Variants in TMBIM1 observed in about 807,000 individuals in gnomAD.
The protein encoded by TMBIM1 is transmembrane BAX inhibitor motif containing 1, also known as protein lifeguard 3.
TMBIM1 carries 34 observed loss-of-function variants against 45.1 expected under a neutral mutation model. The observed-to-expected ratio is 0.75, with a 90% CI of 0.57 to 1.00. TMBIM1 has a LOEUF of 1.00. TMBIM1 is among the 50% of genes least tolerant of loss of function. TMBIM1 has a pLI of 0.00. For synonymous variants in TMBIM1, 157 were observed against 153.5 expected (o/e 1.02, Z -0.17); for missense variants, 374 against 402.4 (o/e 0.93, Z 0.60).
At chr2:218,280,149 T>A (rs754484658) in intron 2 of TMBIM1, 23 bp from the exon 3 acceptor site, 38 of 1,568,282 alleles carry the variant, frequency 2.4e-5, no homozygotes, top group Non-Finnish European at 3.3e-5. Flanking sequence ...GACACTTGAC[T>A]CAGCTGGGGA....
intron 1 of TMBIM1, among the ~76,000 whole-genome samples, chr2:218,283,886 G>A (rs966119487): frequency 6.6e-6 from 1 of 152,280 alleles, no homozygotes; most frequent in Admixed American, 6.5e-5. Context: ...TACAAAGCTG[G>A]CAGGGTGCGG....
chr2:218,277,709 A>G, intron 7 of TMBIM1, 39 bp from the exon 8 acceptor site: 1 of 1,613,528 alleles, frequency 6.2e-7, no homozygotes, highest in Non-Finnish European at 8.5e-7. Flanking sequence ...ACACTTAAAA[A>G]GGAAGGAAGG....
chr2:218,278,405 T>G (rs555778801), intron 6 of TMBIM1, 110 bp downstream of exon 6: 11 of 1,148,520 alleles, frequency 9.6e-6, no homozygotes, highest in African/African-American at 9.1e-5. Context: ...CCTCCTCATT[T>G]CTTGTAAGTT....
At chr2:218,277,304 G>A (rs2106191754) in intron 9 of TMBIM1, 62 bp downstream of exon 9, 1 of 1,483,002 alleles carries the variant, frequency 6.7e-7, no homozygotes, top group Non-Finnish European at 9.4e-7. Flanking sequence ...TAGTGTGCCG[G>A]GGTCCGGGCC....
Position 218,277,101 on chromosome 2 carries a change from T to G in TMBIM1, c.640-2A>C. 6.2e-7 allele frequency: 1 copy of G among 1,613,848 alleles called. No individual in the cohort carries two copies. The highest frequency in any genetic ancestry group is 1.1e-5 in the South Asian group (1 of 91,066). The stretch of plus-strand genomic sequence containing the variant: ...GCCTGTGCACGAGGTGAAGTCCACC[T>G]GCCAGGAAGCAAGAAAGAGGCACCT... On this transcript the variant is annotated splice_acceptor_variant, in intron 9 of 11. Coordinates refer to ENST00000258412, the MANE Select transcript of TMBIM1 (RefSeq NM_022152.6). LOFTEE classifies it high-confidence loss of function.
chr2:218,278,277 G>A (rs1242296686), intron 6 of TMBIM1: 3 of 608,478 alleles, frequency 4.9e-6, no homozygotes, highest in Non-Finnish European at 8.7e-6. Context: ...CTTCCTATTT[G>A]TTAACTGGCT....
rs541664508 is a variant in TMBIM1, at chr2:218,276,607, C to A, written c.735+397G>T. On this transcript the variant is annotated intron_variant, in intron 10 of 11. Coordinates refer to ENST00000258412, the MANE Select transcript of TMBIM1 (RefSeq NM_022152.6). ...CCCCTTCGGCACTGTTCTCCCCCAG[C>A]TGAACAGAATAAAGGAAATAATTGG... is the stretch of plus-strand genomic sequence containing the variant. Among the ~76,000 whole-genome samples the A allele has an allele frequency of 3.9e-5, 6 of 151,910 alleles. No homozygotes were observed. In the East Asian group the frequency reaches 1.2e-3, roughly 30 times the overall value.
Position 218,275,260 on chromosome 2 carries a change from A to G in TMBIM1, c.*215T>C. On this transcript the variant is annotated 3_prime_UTR_variant, in exon 12 of 12. Coordinates refer to ENST00000258412, the MANE Select transcript of TMBIM1 (RefSeq NM_022152.6). The stretch of plus-strand genomic sequence containing the variant: ...CTTCAGCCTAGTCCCTGCCAAGCCC[A>G]CCAAGAGCAACAGTTAGTCCCTAGC... The G allele has an allele frequency of 5.9e-6, 3 of 511,522 alleles. No individual in the cohort carries two copies. Among genetic ancestry groups the G allele is most frequent in the Non-Finnish European group, 9.8e-6 (3 of 307,340 alleles). 31.7% of individuals were successfully genotyped at this position (511,522 alleles called of 1,614,324 possible).
At chr2:218,286,287 G>C (rs375696163) in intron 1 of TMBIM1, 2 of 151,866 alleles carry the variant, frequency 1.3e-5, no homozygotes, top group Non-Finnish European at 2.9e-5. Flanking sequence ...TCCACCCACC[G>C]AGGCCTCCCA....
chr2:218,287,912 C>T (rs899512734), intron 1 of TMBIM1, among the ~76,000 whole-genome samples: 1 of 152,186 alleles, frequency 6.6e-6, no homozygotes, highest in Admixed American at 6.5e-5. Context: ...GGAGCAGAAT[C>T]CTGTGATCAG....
intron 10 of TMBIM1, among the ~76,000 whole-genome samples, chr2:218,276,348 AAAAG>A (rs1691210680): frequency 6.6e-6 from 1 of 152,234 alleles, no homozygotes; most frequent in Admixed American, 6.5e-5. Context: ...CTTCTAGAAA[AAAAG>A]CAGTTGAGTT....
chr2:218,285,808 G>A (rs950464227), intron 1 of TMBIM1: 1 of 152,770 alleles, frequency 6.5e-6, no homozygotes, highest in African/African-American at 2.4e-5. Flanking sequence ...AGAGCCTCCG[G>A]GGACCAGGGC....
chr2:218,279,449 C>G (rs1691633654), intron 3 of TMBIM1, 96 bp from the exon 4 acceptor site: 1 of 1,167,072 alleles, frequency 8.6e-7, no homozygotes, highest in Non-Finnish European at 1.2e-6. Flanking sequence ...ACTCAAGAAC[C>G]CTCCCTAGCT....
Position 218,277,647 on chromosome 2 carries a change from C to A in TMBIM1, c.537G>T (p.Thr179=). The change falls in exon 8 of 12, where the codon ACG becomes ACT. Residue 179 remains threonine (T), a synonymous_variant. Transcript: ENST00000258412. ...TLFTFAMGFM[T]GTISSMYQTK... is the part of the protein sequence containing the mutation. ...CCTGAATGTACCTGGAAATGGTGCC[C>A]GTCATGAAGCCCATGGCAAAAGTCT... 1 of 1,614,116 alleles carries A rather than the reference C, an allele frequency of 6.2e-7. No homozygotes were observed. The highest frequency in any genetic ancestry group is 8.5e-7 in the Non-Finnish European group (1 of 1,180,032).
At chr2:218,284,639 C>T (rs1692354481) in intron 1 of TMBIM1, among the ~76,000 whole-genome samples, 1 of 152,214 alleles carries the variant, frequency 6.6e-6, no homozygotes, top group African/African-American at 2.4e-5. Context: ...CAGCAGTTTC[C>T]AGGCCAGTCC....
intron 10 of TMBIM1, among the ~76,000 whole-genome samples, chr2:218,276,667 G>A (rs536741278): frequency 9.2e-5 from 14 of 152,124 alleles, no homozygotes; most frequent in Non-Finnish European, 1.5e-4. Context: ...TTCCACCTAG[G>A]CCCATCATCT....
Position 218,275,496 on chromosome 2 carries a change from C to T in TMBIM1, c.915G>A (p.Gln305=). 6.2e-7 allele frequency: 1 copy of T among 1,613,866 alleles called. No individual in the cohort carries two copies. The highest frequency in any genetic ancestry group is 8.5e-7 in the Non-Finnish European group (1 of 1,179,838). Residue 305 remains glutamine, a synonymous_variant, in exon 12 of 12, where the codon CAG becomes CAA. Coordinates refer to ENST00000258412, the MANE Select transcript of TMBIM1 (RefSeq NM_022152.6). ...DIIYIFTFVL[Q]LMGDRN is the part of the protein sequence containing the mutation. ...CTCCTTAATTGCGATCCCCCATCAGCTGCAGCACAAAGGTGAAGATGTAGA... is the reference window on the plus strand; with the variant it reads ...CTCCTTAATTGCGATCCCCCATCAGTTGCAGCACAAAGGTGAAGATGTAGA...
chr2:218,276,178 G>T, intron 10 of TMBIM1, 99 bp from the exon 11 acceptor site: 1 of 1,319,262 alleles, frequency 7.6e-7, no homozygotes, highest in Non-Finnish European at 1.1e-6. Context: ...AGAGTGGGTA[G>T]AGCTGGGAAG....
At chr2:218,280,625 G>A (rs746167636) in intron 2 of TMBIM1, 9 of 162,132 alleles carry the variant, frequency 5.6e-5, no homozygotes, top group East Asian at 1.9e-4. Flanking sequence ...GCGCAGATCC[G>A]CACCAGCGCA....
Sources: allele counts gnomAD v4.1 joint callset (sites outside exome capture counted in the v4.1 genomes callset), GRCh38; gene constraint gnomAD v4.1.1; transcripts MANE v1.5; gene names NCBI Gene and HGNC (gene_info 2026-07-23, HGNC 2026-07-21).